The following USO1 variants were observed in gnomAD, a reference collection of about 807,000 sequenced individuals.
USO1 encodes the protein USO1 vesicle transport factor, also known as general vesicular transport factor p115.
Under a neutral mutation model 124.5 loss-of-function variants are expected in USO1, and 57 were observed. That is an observed-to-expected ratio of 0.46 (90% CI 0.37 to 0.57). The LOEUF (loss-of-function observed/expected upper bound fraction) is 0.57, where lower values mean the gene tolerates loss of function less well. Ranked by LOEUF, USO1 falls within the 20% of genes least tolerant of loss-of-function variation. USO1 has a pLI of 0.00. For missense variants in USO1, 900 were observed against 1,040.6 expected, an observed-to-expected ratio of 0.86 and a Z score of 1.86; for synonymous variants, 369 against 362.8, an observed-to-expected ratio of 1.02 and a Z score of -0.19.
chr4:75,729,166 T>G (rs2149135462), intron 1 of USO1, among the ~76,000 whole-genome samples: 1 of 152,290 alleles, frequency 6.6e-6, no homozygotes, highest in East Asian at 1.9e-4. Flanking sequence ...TTGAAGCCTC[T>G]TTAGCCTTGA....
chr4:75,769,288 T>C (rs1721855575), intron 4 of USO1, among the ~76,000 whole-genome samples: 1 of 152,160 alleles, frequency 6.6e-6, no homozygotes, highest in African/African-American at 2.4e-5. Flanking sequence ...ATTCTTTTAC[T>C]GATATAAGAG....
At position 75,798,832 on chromosome 4, in the gene USO1, G is replaced by GT. The variant is rs1553902452; in HGVS notation, c.1453-783dup. ...TTTTATTTCAAACAAGTTTTGTTTT[G>GT]TTTTTTTAAAAAAAGATACAGGTTA... On this transcript the variant is annotated intron_variant, in intron 13 of 23. Coordinates refer to ENST00000514213, the MANE Select transcript of USO1 (RefSeq NM_003715.4). 3.3e-5 allele frequency among the ~76,000 whole-genome samples: 5 copies of GT among 151,302 alleles called. No homozygotes were observed. In the South Asian group the frequency reaches 6.2e-4, roughly 19 times the overall value.
chr4:75,724,834 C>T lies in USO1; in HGVS notation c.15C>T (p.Arg5=). 4.3e-6 allele frequency: 7 copies of T among 1,613,564 alleles called. No individual in the cohort carries two copies. Among genetic ancestry groups the T allele is most frequent in the East Asian group, 2.2e-5 (1 of 44,846 alleles). MNFL[R]GVMGGQSAGP... ...TGAACGGCAAGATGAATTTCCTCCG[C>T]GGGGTAATGGGGGGTCAGAGTGCCG... The change falls in exon 1 of 24, where the codon CGC becomes CGT. Residue 5 remains arginine, a synonymous_variant. Transcript: ENST00000514213.
At chr4:75,785,945 C>T (rs1306376077) in intron 9 of USO1, among the ~76,000 whole-genome samples, 1 of 152,006 alleles carries the variant, frequency 6.6e-6, no homozygotes, top group African/African-American at 2.4e-5. Flanking sequence ...GGACAGGAAC[C>T]AATGTAATCC....
At chr4:75,779,257 A>C (rs952720346) in intron 8 of USO1, among the ~76,000 whole-genome samples, 1 of 152,096 alleles carries the variant, frequency 6.6e-6, no homozygotes, top group Admixed American at 6.6e-5. Context: ...CAATATTGAA[A>C]TCAGGCAAAT....
intron 10 of USO1, among the ~76,000 whole-genome samples, chr4:75,789,163 C>T (rs901180299): frequency 1.3e-5 from 2 of 152,064 alleles, no homozygotes; most frequent in African/African-American, 4.8e-5. Flanking sequence ...TTCCCCACTC[C>T]CTTGCTCCCC....
intron 1 of USO1, among the ~76,000 whole-genome samples, chr4:75,740,579 G>A (rs565531455): frequency 2.0e-5 from 3 of 152,292 alleles, no homozygotes; most frequent in Admixed American, 6.5e-5. Context: ...GAGCTACTGC[G>A]CCTGGCCTAG....
intron 8 of USO1, among the ~76,000 whole-genome samples, chr4:75,779,048 A>G (rs1722148616): frequency 6.6e-6 from 1 of 152,080 alleles, no homozygotes; most frequent in Non-Finnish European, 1.5e-5. Flanking sequence ...TGTTATGGTG[A>G]TGTGATCAGT....
At chr4:75,769,603 A>G (rs1327695137) in intron 4 of USO1, among the ~76,000 whole-genome samples, 1 of 152,164 alleles carries the variant, frequency 6.6e-6, no homozygotes, top group Non-Finnish European at 1.5e-5. Flanking sequence ...CGCTCAGCCA[A>G]TGCTGTGATT....
At chr4:75,784,557 A>G (rs555202931) in intron 9 of USO1, among the ~76,000 whole-genome samples, 9 of 152,176 alleles carry the variant, frequency 5.9e-5, no homozygotes, top group Non-Finnish European at 1.0e-4. Flanking sequence ...ACTCACACCT[A>G]TGATCCCAGC....
intron 1 of USO1, among the ~76,000 whole-genome samples, chr4:75,748,550 C>T (rs534732964): frequency 6.6e-6 from 1 of 152,074 alleles, no homozygotes; most frequent in South Asian, 2.1e-4. Flanking sequence ...TATATTTCTG[C>T]GTTTAGCAAG....
At chr4:75,805,080 T>C in intron 18 of USO1, 60 bp from the exon 19 acceptor site, 2 of 1,495,674 alleles carry the variant, frequency 1.3e-6, no homozygotes, top group East Asian at 4.8e-5. Flanking sequence ...AATCTTCTAC[T>C]TCAAAAATGA....
At chr4:75,811,453 C>T (rs1244751884) in intron 22 of USO1, among the ~76,000 whole-genome samples, 12 of 152,134 alleles carry the variant, frequency 7.9e-5, no homozygotes, top group Non-Finnish European at 1.5e-4. Flanking sequence ...CCACCACACC[C>T]GGCCTGTGTT....
intron 1 of USO1, chr4:75,745,306 G>T (rs370596665): frequency 3.9e-6 from 2 of 518,176 alleles, no homozygotes; most frequent in South Asian, 1.4e-5. Flanking sequence ...ACAAGGAACT[G>T]CCCTGGCTGG....
chr4:75,736,196 G>T (rs1012199107), intron 1 of USO1, among the ~76,000 whole-genome samples: 1 of 150,820 alleles, frequency 6.6e-6, no homozygotes, highest in Non-Finnish European at 1.5e-5. Flanking sequence ...AATCCTTCCA[G>T]ACCTTTATAC....
chr4:75,781,536 A>T (rs1336083092), intron 8 of USO1, among the ~76,000 whole-genome samples: 2 of 152,204 alleles, frequency 1.3e-5, no homozygotes, highest in African/African-American at 4.8e-5. Context: ...AGTTATGTAC[A>T]TTCTTTGGAC....
chr4:75,787,209 C>CA lies in USO1; in HGVS notation c.996+10dup. ...TGCTGATATCCTGACTGAGGTAAAGCAAATGAAGTCAAAGCCAACTCTGTG... is the reference window on the plus strand; with the variant it reads ...TGCTGATATCCTGACTGAGGTAAAGCAAAATGAAGTCAAAGCCAACTCTGTG... On this transcript the variant is annotated splice_region_variant and intron_variant, in intron 10 of 23. Coordinates refer to ENST00000514213, the MANE Select transcript of USO1 (RefSeq NM_003715.4). 1 of 1,498,564 alleles carries CA rather than the reference C, an allele frequency of 6.7e-7. No homozygotes were observed. The highest frequency in any genetic ancestry group is 8.9e-7 in the Non-Finnish European group (1 of 1,126,306). The allele number at this position is 1,498,564 out of a possible 1,614,324, so 92.8% of individuals were successfully genotyped here. A position where few individuals can be genotyped will look rare whatever the true frequency, so the allele number is the denominator to read the frequency against.
intron 1 of USO1, among the ~76,000 whole-genome samples, chr4:75,739,499 T>G (rs189800790): frequency 6.6e-6 from 1 of 151,988 alleles, no homozygotes; most frequent in East Asian, 1.9e-4. Context: ...ATGGTCTGTT[T>G]AGTGTTATGC....
At chr4:75,777,176 CTT>C (rs1053092988) in intron 8 of USO1, among the ~76,000 whole-genome samples, 1 of 152,084 alleles carries the variant, frequency 6.6e-6, no homozygotes, top group Admixed American at 6.6e-5. Context: ...TTGCCAAAGA[CTT>C]AAATTTAATT....
Sources: allele counts gnomAD v4.1 joint callset (sites outside exome capture counted in the v4.1 genomes callset), GRCh38; gene constraint gnomAD v4.1.1; transcripts MANE v1.5; gene names NCBI Gene and HGNC (gene_info 2026-07-23, HGNC 2026-07-21).